The following PHC1 variants were observed in gnomAD, a reference collection of about 807,000 sequenced individuals.
PHC1 encodes polyhomeotic homolog 1.
PHC1 carries 12 observed loss-of-function variants against 104.3 expected under a neutral mutation model. The observed-to-expected ratio is 0.12, with a 90% CI of 0.07 to 0.19. PHC1 has a LOEUF of 0.19. Ranked by LOEUF, PHC1 falls within the 10% of genes least tolerant of loss-of-function variation. PHC1 has a pLI of 1.00. For missense variants in PHC1, 671 were observed against 1,200.0 expected (o/e 0.56, Z 6.51); for synonymous variants, 302 against 455.8 (o/e 0.66, Z 4.30).
chr12:8,917,845 A>AGT, intron 2 of PHC1, 54 bp downstream of exon 2: 1 of 908,196 alleles, frequency 1.1e-6, no homozygotes, highest in African/African-American at 1.7e-5. Flanking sequence ...TGTGGTAGGC[A>AGT]GTGATGCTGG....
At chr12:8,927,173 G>T (rs1479314109) in intron 6 of PHC1, among the ~76,000 whole-genome samples, 1 of 152,232 alleles carries the variant, frequency 6.6e-6, no homozygotes, top group Non-Finnish European at 1.5e-5. Context: ...TCTTTCTAAT[G>T]TAGAGAGAGA....
rs1322784189 is a variant in PHC1, at chr12:8,917,749, C to T, written c.72C>T (p.Pro24=). ...GSSSSGGSSR[P]QIAQMSLYER... ...CTAGCTCAGGGGGCAGCTCTCGGCC[C>T]CAGATAGCTCAAATGTCACTTTATG... is the stretch of plus-strand genomic sequence containing the variant. Residue 24 remains proline, a synonymous_variant, in exon 2 of 15, where the codon CCC becomes CCT. Coordinates refer to ENST00000544916, the MANE Select transcript of PHC1 (RefSeq NM_004426.3). 2 of 1,578,968 alleles carry T rather than the reference C, an allele frequency of 1.3e-6. No homozygotes were observed. Among genetic ancestry groups the T allele is most frequent in the African/African-American group, 2.8e-5 (2 of 72,218 alleles).
At chr12:8,934,211 T>C (rs927655242) in intron 9 of PHC1, 56 bp from the exon 10 acceptor site, 9 of 1,425,408 alleles carry the variant, frequency 6.3e-6, no homozygotes, top group Non-Finnish European at 8.9e-6. Context: ...GCTCAACTAA[T>C]AGATGGATCA....
chr12:8,937,719 T>G, intron 13 of PHC1, 110 bp from the exon 14 acceptor site: 2 of 743,532 alleles, frequency 2.7e-6, no homozygotes. Context: ...TTATTTCACA[T>G]ATGATAAGAT....
At chr12:8,929,399 G>C (rs111762714) in intron 6 of PHC1, among the ~76,000 whole-genome samples, 2 of 151,940 alleles carry the variant, frequency 1.3e-5, no homozygotes, top group South Asian at 4.2e-4. Flanking sequence ...CTTATCCACA[G>C]CCTGCCTTCC....
In PHC1 at chr12:8,919,653, T is replaced by C; in HGVS notation, c.115-103T>C. The C allele has an allele frequency of 8.4e-7, 1 of 1,190,968 alleles. No homozygotes were observed. Among genetic ancestry groups the C allele is most frequent in the Non-Finnish European group, 1.2e-6 (1 of 840,132 alleles). The allele number at this position is 1,190,968 out of a possible 1,614,324, so 73.8% of individuals were successfully genotyped here. ...TAGCCCAAACTCCCATCTCCTCTGG[T>C]TTCTGTCCTTCCCATGGCCCCCTTT... On this transcript the variant is annotated intron_variant, in intron 2 of 14. Transcript: ENST00000544916. The surrounding 1 kb of genome is among the most constrained non-coding windows in gnomAD (Gnocchi z 4.9).
chr12:8,938,776 G>T (rs1458227696), intron 14 of PHC1, among the ~76,000 whole-genome samples: 1 of 151,960 alleles, frequency 6.6e-6, no homozygotes, highest in East Asian at 1.9e-4. Flanking sequence ...TTATTTCTGT[G>T]GTTGAACAAT....
At chr12:8,932,035 C>G (rs1945700485) in intron 7 of PHC1, among the ~76,000 whole-genome samples, 1 of 152,218 alleles carries the variant, frequency 6.6e-6, no homozygotes, top group South Asian at 2.1e-4. Flanking sequence ...AGATGGTGGT[C>G]TAAGCTGATG....
rs778047562 is a variant in PHC1 at position 8,937,884 on chromosome 12, C to G, written c.2684C>G (p.Ser895Cys). 1 of 1,612,278 alleles carries G rather than the reference C, an allele frequency of 6.2e-7. No individual in the cohort carries two copies. The highest frequency in any genetic ancestry group is 1.3e-5 in the African/African-American group (1 of 74,900). ...SDNSSYDEAL[S>C]PTSPGPLSVR... is the part of the protein sequence containing the mutation. ...AATTCCAGTTATGATGAAGCACTCTCTCCAACATCTCCTGGGCCTTTATCA... is the reference window on the plus strand; with the variant it reads ...AATTCCAGTTATGATGAAGCACTCTGTCCAACATCTCCTGGGCCTTTATCA... Residue 895 changes from serine to cysteine, a missense_variant, in exon 14 of 15, where the codon TCT becomes TGT. Coordinates refer to ENST00000544916, the MANE Select transcript of PHC1 (RefSeq NM_004426.3).
chr12:8,937,556 T>C (rs1945874984), intron 13 of PHC1, among the ~76,000 whole-genome samples: 1 of 152,148 alleles, frequency 6.6e-6, no homozygotes, highest in African/African-American at 2.4e-5. Flanking sequence ...GTACAATTGT[T>C]AATTGTACTC....
In PHC1 at chr12:8,933,327, T is replaced by G. The variant is rs757935657; in HGVS notation, c.1870T>G (p.Tyr624Asp). ...TGTAGCCCAGGTCCCTGCTGCCTTC[T>G]ATATGCAGTCTGTGCACTTGCCGGT... ...PVVAQVPAAF[Y>D]MQSVHLPGKP... Residue 624 changes from tyrosine to aspartate, a missense_variant, in exon 8 of 15, where the codon TAT becomes GAT. Physicochemically the swap from Tyr to Asp is radical, Grantham distance 160 (BLOSUM62 -3). Around this residue, in one of 9 missense-constraint regions of PHC1, gnomAD observed 95 missense variants for 108.8 expected, o/e 0.87. Coordinates refer to ENST00000544916, the MANE Select transcript of PHC1 (RefSeq NM_004426.3). The G allele has an allele frequency of 5.2e-6, 8 of 1,539,596 alleles. No homozygotes were observed. The highest frequency in any genetic ancestry group is 7.0e-6 in the Non-Finnish European group (8 of 1,135,572).
intron 11 of PHC1, 64 bp downstream of exon 11, chr12:8,935,302 G>A (rs777217823): frequency 7.1e-6 from 6 of 842,334 alleles, no homozygotes; most frequent in African/African-American, 3.5e-5. Context: ...TTGAGGACTC[G>A]GTGTAAAATA....
At chr12:8,934,126 A>G (rs1945768493) in intron 9 of PHC1, 114 bp downstream of exon 9, 1 of 1,369,054 alleles carries the variant, frequency 7.3e-7, no homozygotes, top group African/African-American at 1.4e-5. Flanking sequence ...TGGTGGACAA[A>G]TGAATAGATC....
Position 8,921,798 on chromosome 12 carries a change from G to A in PHC1, c.456+48G>A, listed in dbSNP as rs370041966. 1.3e-5 allele frequency: 20 copies of A among 1,512,932 alleles called. No individual in the cohort carries two copies. In the African/African-American group the frequency reaches 2.7e-4, roughly 21 times the overall value. The allele number at this position is 1,512,932 out of a possible 1,614,324, so 93.7% of individuals were successfully genotyped here. On this transcript the variant is annotated intron_variant, in intron 5 of 14. Coordinates refer to ENST00000544916, the MANE Select transcript of PHC1 (RefSeq NM_004426.3). ...ATTGCCCCAGAGGCATAATTGTCTG[G>A]CCCTGGCAAAGACTTGAGTGAAAGC...
intron 1 of PHC1, among the ~76,000 whole-genome samples, chr12:8,917,035 A>G (rs1373302111): frequency 2.6e-5 from 4 of 152,252 alleles, no homozygotes; most frequent in Non-Finnish European, 2.9e-5. Flanking sequence ...TGGTTTGAAG[A>G]AGCATGTGTT....
At chr12:8,917,523 A>G in intron 1 of PHC1, 107 bp from the exon 2 acceptor site, 1 of 474,354 alleles carries the variant, frequency 2.1e-6, no homozygotes, top group South Asian at 4.1e-5. Context: ...ATGGAAGAGG[A>G]GGAAGATTCT....
intron 4 of PHC1, among the ~76,000 whole-genome samples, chr12:8,921,270 G>GAAAGA (rs1164638668): frequency 1.3e-5 from 2 of 152,182 alleles, no homozygotes; most frequent in Admixed American, 6.5e-5. Flanking sequence ...AGGAAGAGAG[G>GAAAGA]AAAGAAAATC....
At position 8,920,058 on chromosome 12, in the gene PHC1, T is replaced by C. The variant is rs1467618145; in HGVS notation, c.225+192T>C. The C allele has an allele frequency of 1.9e-5, 16 of 838,180 alleles. No individual in the cohort carries two copies. In the East Asian group the frequency reaches 4.1e-4, roughly 21 times the overall value. 51.9% of individuals were successfully genotyped at this position (838,180 alleles called of 1,614,324 possible). On this transcript the variant is annotated intron_variant, in intron 3 of 14. Transcript: ENST00000544916. ...TGCAGTAAGAACCGTAAAATCACTT[T>C]TTAGGTATAGAGTGGCTGTGTTATA...
intron 1 of PHC1, chr12:8,915,055 C>A (rs551255633): frequency 6.5e-6 from 1 of 152,820 alleles, no homozygotes; most frequent in African/African-American, 2.4e-5. Context: ...ACCCTAGCTG[C>A]CTCTGACTGC....
Sources: allele counts gnomAD v4.1 joint callset (sites outside exome capture counted in the v4.1 genomes callset), GRCh38; gene constraint gnomAD v4.1.1; regional missense constraint gnomAD v4.1.1; non-coding constraint Gnocchi (gnomAD v3.1); transcripts MANE v1.5; gene names NCBI Gene and HGNC (gene_info 2026-07-23, HGNC 2026-07-21).